Variants in VPS35L observed in about 807,000 individuals in gnomAD.
VPS35L encodes VPS35 endosomal protein-sorting factor-like.
VPS35L carries 83 observed loss-of-function variants against 133.0 expected under a neutral mutation model. The ratio of observed to expected loss-of-function variants is 0.62; its 90% CI spans 0.52 to 0.75. The LOEUF (loss-of-function observed/expected upper bound fraction) is 0.75, where lower values mean the gene tolerates loss of function less well. Among genes scored for constraint, VPS35L ranks in the 30% least tolerant of loss-of-function variants. The pLI is 0.00. For missense variants in VPS35L, 1,083 were observed against 1,206.8 expected, an observed-to-expected ratio of 0.90 and a Z score of 1.52; for synonymous variants, 423 against 449.9, an observed-to-expected ratio of 0.94 and a Z score of 0.76.
rs569515201 is a variant in VPS35L, at chr16:19,562,258, G to T, written c.18-2593G>T. On this transcript the variant is annotated intron_variant, in intron 1 of 30. Coordinates refer to ENST00000417362, the MANE Select transcript of VPS35L (RefSeq NM_020314.7). The stretch of plus-strand genomic sequence containing the variant: ...TAGTGGGAATTTATAGCCAAGTGGG[G>T]GTAGAAGAAGAATTCGATCAGATAT... Among the ~76,000 whole-genome samples, 7 of 152,220 alleles carry T rather than the reference G, an allele frequency of 4.6e-5. No individual in the cohort carries two copies. The South Asian group carries it at 6.2e-4, about 14-fold the overall frequency.
intron 14 of VPS35L, among the ~76,000 whole-genome samples, chr16:19,621,511 C>T (rs1351749778): frequency 2.0e-5 from 3 of 152,216 alleles, no homozygotes; most frequent in African/African-American, 7.2e-5. Flanking sequence ...CAAATGCCTG[C>T]CTTGTGAATC....
rs764228537 is a variant in VPS35L, at chr16:19,699,576, C to G, written c.2721C>G (p.Asn907Lys). 2.8e-5 allele frequency: 45 copies of G among 1,614,094 alleles called. No individual in the cohort carries two copies. In the East Asian group the frequency reaches 7.1e-4, roughly 26 times the overall value. Residue 907 changes from asparagine to lysine, a missense_variant, in exon 30 of 31, where the codon AAC becomes AAG. Transcript: ENST00000417362. This position sits in a 1 kb window ranked among gnomAD's most constrained non-coding sequence, Gnocchi z 4.2. ...TGGCCCATGGGGACCTACGCAACAA[C>G]AAGCTCAACCAGCTCTCCGTCAACC... ...SILAHGDLRN[N>K]KLNQLSVNLW...
chr16:19,674,768 TC>T (rs755637683), intron 27 of VPS35L, among the ~76,000 whole-genome samples: 11 of 152,094 alleles, frequency 7.2e-5, no homozygotes, highest in Non-Finnish European at 1.5e-4. Context: ...ATTCTATGAA[TC>T]TATTTTAGAT....
At chr16:19,562,789 C>G (rs903471836) in intron 1 of VPS35L, among the ~76,000 whole-genome samples, 1 of 151,924 alleles carries the variant, frequency 6.6e-6, no homozygotes, top group African/African-American at 2.4e-5. Flanking sequence ...GAGACTCATT[C>G]TGTTGCCCAG....
intron 12 of VPS35L, among the ~76,000 whole-genome samples, chr16:19,614,705 C>T (rs955872705): frequency 1.3e-5 from 2 of 152,192 alleles, no homozygotes; most frequent in Non-Finnish European, 2.9e-5. Flanking sequence ...GCCACTGCAG[C>T]CCAGCCTACG....
At chr16:19,694,292 A>C (rs1975823584) in intron 29 of VPS35L, 1 of 152,210 alleles carries the variant, frequency 6.6e-6, no homozygotes, top group Non-Finnish European at 1.5e-5. Context: ...CTAAATACAC[A>C]TTGTTTTAAA....
chr16:19,691,873 T>A (rs1045545531), intron 29 of VPS35L, among the ~76,000 whole-genome samples: 3 of 151,258 alleles, frequency 2.0e-5, no homozygotes, highest in Non-Finnish European at 4.4e-5. Context: ...AGCAGGGACC[T>A]GGTGAGTCTT....
At chr16:19,626,610 T>C (rs1157096421) in intron 15 of VPS35L, among the ~76,000 whole-genome samples, 3 of 150,896 alleles carry the variant, frequency 2.0e-5, no homozygotes, top group Non-Finnish European at 4.4e-5. Flanking sequence ...AAAAATACAA[T>C]AACTAGCCGG....
At chr16:19,662,622 G>A (rs1209642799) in intron 26 of VPS35L, among the ~76,000 whole-genome samples, 1 of 152,100 alleles carries the variant, frequency 6.6e-6, no homozygotes, top group Non-Finnish European at 1.5e-5. Flanking sequence ...TCAAAGGTCG[G>A]TCTTAGGACC....
rs183986279 is a variant in VPS35L at position 19,598,749 on chromosome 16, A to T, written c.725-2915A>T. Among the ~76,000 whole-genome samples, 109 of 151,876 alleles carry T rather than the reference A, an allele frequency of 7.2e-4. 2 individuals carry two copies. In the East Asian group the frequency reaches 0.019, roughly 26 times the overall value. On this transcript the variant is annotated intron_variant, in intron 8 of 30. Transcript: ENST00000417362. The stretch of plus-strand genomic sequence containing the variant: ...CAGTGAGCTGTGATTGCTCCACTGC[A>T]CTCCAGCCTGGGTGACAGAGCAAGA...
chr16:19,689,265 C>A lies in VPS35L; in HGVS notation c.2528-2088C>A, dbSNP rs191214160. 5.8e-3 allele frequency among the ~76,000 whole-genome samples: 786 copies of A among 135,340 alleles called. 4 individuals carry two copies. The highest frequency in any genetic ancestry group is 0.023 in the African/African-American group (740 of 32,270). The allele number at this position is 135,340 out of a possible 152,430, so 88.8% of individuals were successfully genotyped here. ...GTGCTGGGATTACAGGTGTGAGCCA[C>A]TGTGCCTGGCGTTTTTTTTTTTTGA... On this transcript the variant is annotated intron_variant, in intron 28 of 30. Coordinates refer to ENST00000417362, the MANE Select transcript of VPS35L (RefSeq NM_020314.7).
intron 23 of VPS35L, 59 bp downstream of exon 23, chr16:19,645,008 T>G: frequency 8.2e-7 from 1 of 1,225,932 alleles, no homozygotes. Flanking sequence ...TGTTTATCCT[T>G]ATGTTGGCGA....
chr16:19,698,183 G>T (rs1323430579), intron 29 of VPS35L, among the ~76,000 whole-genome samples: 3 of 152,144 alleles, frequency 2.0e-5, no homozygotes, highest in African/African-American at 7.2e-5. Context: ...TTCCTTCAGG[G>T]TATTTGCAGA....
At chr16:19,572,739 G>A (rs1971421912) in intron 3 of VPS35L, among the ~76,000 whole-genome samples, 1 of 152,122 alleles carries the variant, frequency 6.6e-6, no homozygotes, top group Non-Finnish European at 1.5e-5. Flanking sequence ...CTGGAGTGCA[G>A]TGGTACAATC....
intron 1 of VPS35L, among the ~76,000 whole-genome samples, chr16:19,556,922 C>A (rs1055678961): frequency 6.6e-6 from 1 of 151,212 alleles, no homozygotes; most frequent in Non-Finnish European, 1.5e-5. Context: ...GTCAGGGGTT[C>A]GAGACCAGCC....
intron 19 of VPS35L, among the ~76,000 whole-genome samples, chr16:19,635,864 T>C (rs1260246399): frequency 2.0e-5 from 3 of 152,146 alleles, no homozygotes; most frequent in Non-Finnish European, 4.4e-5. Flanking sequence ...CTCTCAGCTT[T>C]TCTGCAAGTC....
chr16:19,620,305 G>A (rs753196231), intron 14 of VPS35L, among the ~76,000 whole-genome samples: 1 of 152,104 alleles, frequency 6.6e-6, no homozygotes, highest in Non-Finnish European at 1.5e-5. Flanking sequence ...TGGTAAAATG[G>A]TCATTGAATT....
At chr16:19,564,819 C>T in intron 1 of VPS35L, 32 bp from the exon 2 acceptor site, 1 of 1,478,382 alleles carries the variant, frequency 6.8e-7, no homozygotes, top group Non-Finnish European at 9.5e-7. Flanking sequence ...GTACCCCCAT[C>T]CACTAATTGG....
chr16:19,665,504 G>A (rs1432077154), intron 26 of VPS35L, among the ~76,000 whole-genome samples: 1 of 152,198 alleles, frequency 6.6e-6, no homozygotes, highest in Non-Finnish European at 1.5e-5. Flanking sequence ...TGTTGCAAAT[G>A]ACAGAATCTC....
Sources: allele counts gnomAD v4.1 joint callset (sites outside exome capture counted in the v4.1 genomes callset), GRCh38; gene constraint gnomAD v4.1.1; non-coding constraint Gnocchi (gnomAD v3.1); transcripts MANE v1.5; gene names NCBI Gene and HGNC (gene_info 2026-07-23, HGNC 2026-07-21).